The following WDR4 variants were observed in gnomAD, a reference collection of about 807,000 sequenced individuals.
The protein encoded by WDR4 is WDR4 tRNA N7-guanosine methyltransferase non-catalytic subunit, also known as tRNA (guanine-N(7)-)-methyltransferase non-catalytic subunit WDR4.
WDR4 carries 47 observed loss-of-function variants against 48.6 expected under a neutral mutation model. The ratio of observed to expected loss-of-function variants is 0.97; its 90% CI spans 0.77 to 1.23. WDR4 has a LOEUF of 1.23. Among genes scored for constraint, WDR4 ranks in the 50% most tolerant of loss-of-function variants. The pLI is 0.00. For missense variants in WDR4, 606 were observed against 551.6 expected, an observed-to-expected ratio of 1.10 and a Z score of -0.99; for synonymous variants, 268 against 230.0, an observed-to-expected ratio of 1.17 and a Z score of -1.49.
chr21:42,847,990 C>G (rs2057725902), downstream of WDR4, among the ~76,000 whole-genome samples: 1 of 152,244 alleles, frequency 6.6e-6, no homozygotes, highest in Admixed American at 6.5e-5. Context: ...CCCAGCATGG[C>G]CCCTGCCTTC....
chr21:42,849,973 G>T lies in WDR4; in HGVS notation c.*76C>A. Reference sequence around the variant, plus strand: ...GATGTCACCTTTTCCTTCTTGAAGGGACATGCCAGGATGCAGGGGAACAAG... The same window carrying T: ...GATGTCACCTTTTCCTTCTTGAAGGTACATGCCAGGATGCAGGGGAACAAG... On this transcript the variant is annotated 3_prime_UTR_variant, in exon 11 of 11. Transcript: ENST00000398208. 1 of 1,568,538 alleles carries T rather than the reference G, an allele frequency of 6.4e-7. No individual in the cohort carries two copies. The highest frequency in any genetic ancestry group is 1.9e-5 in the Admixed American group (1 of 53,862).
the WDR4 span, among the ~76,000 whole-genome samples, chr21:42,886,047 G>T: frequency 6.7e-6 from 1 of 148,526 alleles, no homozygotes; most frequent in African/African-American, 2.5e-5. Flanking sequence ...ACCTCCACCT[G>T]CTGGGTTCAG....
intron 10 of WDR4, 98 bp downstream of exon 10, chr21:42,852,157 C>T: frequency 1.5e-6 from 2 of 1,295,752 alleles, no homozygotes; most frequent in South Asian, 2.5e-5. Context: ...TTTATCTGCA[C>T]ACCAGGTACC....
chr21:42,855,377 C>G (rs963126878), intron 7 of WDR4, among the ~76,000 whole-genome samples: 1 of 152,222 alleles, frequency 6.6e-6, no homozygotes, highest in Non-Finnish European at 1.5e-5. Context: ...TGGCCCCACC[C>G]CTGCCCCACC....
chr21:42,867,485 A>C (rs1239133120), intron 3 of WDR4, among the ~76,000 whole-genome samples: 1 of 151,750 alleles, frequency 6.6e-6, no homozygotes, highest in Non-Finnish European at 1.5e-5. Flanking sequence ...CAGGCTGCCC[A>C]TCCCTCATCC....
At chr21:42,846,316 G>A (rs557696390), downstream of WDR4, among the ~76,000 whole-genome samples, 1 of 152,364 alleles carries the variant, frequency 6.6e-6, no homozygotes, top group Admixed American at 6.5e-5. Context: ...GCAACAAGGT[G>A]GATGAGCCTC....
intron 2 of WDR4, among the ~76,000 whole-genome samples, chr21:42,874,596 G>A (rs531288122): frequency 7.2e-5 from 11 of 152,074 alleles, no homozygotes; most frequent in East Asian, 5.8e-4. Flanking sequence ...AAGAGAATGC[G>A]CCCCTGAGGG....
At chr21:42,866,417 G>A (rs1182552471) in intron 3 of WDR4, among the ~76,000 whole-genome samples, 1 of 152,222 alleles carries the variant, frequency 6.6e-6, no homozygotes, top group Non-Finnish European at 1.5e-5. Context: ...TCCTGCAGCG[G>A]TGCAGGGCCT....
intron 1 of WDR4, 173 bp downstream of exon 1, chr21:42,879,234 C>T (rs1343271280): frequency 7.5e-7 from 1 of 1,332,002 alleles, no homozygotes; most frequent in Admixed American, 3.4e-5. Context: ...ACCCTCCAGG[C>T]GCAGAGACGC....
At chr21:42,848,196 GGA>G (rs2057727552), downstream of WDR4, among the ~76,000 whole-genome samples, 1 of 152,208 alleles carries the variant, frequency 6.6e-6, no homozygotes, top group Non-Finnish European at 1.5e-5. Flanking sequence ...GTTCCTGTGT[GGA>G]GACTTCATCA....
downstream of WDR4, among the ~76,000 whole-genome samples, chr21:42,845,256 G>A (rs1320379893): frequency 1.3e-5 from 2 of 152,240 alleles, no homozygotes; most frequent in Non-Finnish European, 2.9e-5. Flanking sequence ...AAATCTGGAG[G>A]AAAACCCTAA....
intron 9 of WDR4, 31 bp from the exon 10 acceptor site, chr21:42,852,355 G>T: frequency 6.2e-7 from 1 of 1,611,038 alleles, no homozygotes; most frequent in Non-Finnish European, 8.5e-7. Flanking sequence ...ATCTTCATCA[G>T]AAAGAGGCAG....
At chr21:42,849,007 C>T (rs113934340), downstream of WDR4, among the ~76,000 whole-genome samples, 5,631 of 132,348 alleles carry the variant, frequency 0.043, 225 homozygotes, top group Non-Finnish European at 0.068. Context: ...TCACACACAG[C>T]GCACGATCAC....
At chr21:42,888,330 C>T in the WDR4 span, among the ~76,000 whole-genome samples, 98 of 152,172 alleles carry the variant, frequency 6.4e-4, 1 homozygote, top group African/African-American at 2.1e-3. Flanking sequence ...AGGCCAAGGC[C>T]GGTGTACTAC....
chr21:42,847,550 T>C (rs2145980526), downstream of WDR4, among the ~76,000 whole-genome samples: 1 of 152,298 alleles, frequency 6.6e-6, no homozygotes, highest in South Asian at 2.1e-4. Flanking sequence ...CCCGCGGTCC[T>C]GGTGGAGAGA....
At chr21:42,848,117 TTTTGATACACAA>T (rs2145981268), downstream of WDR4, among the ~76,000 whole-genome samples, 1 of 152,322 alleles carries the variant, frequency 6.6e-6, no homozygotes, top group South Asian at 2.1e-4. Flanking sequence ...GCATTCCAGC[TTTTGATACACAA>T]AAGGATTCTG....
At chr21:42,850,933 G>A (rs933065949) in intron 10 of WDR4, among the ~76,000 whole-genome samples, 2 of 152,158 alleles carry the variant, frequency 1.3e-5, no homozygotes, top group Non-Finnish European at 2.9e-5. Flanking sequence ...GGTAACCCGC[G>A]CACCAGCGAC....
At chr21:42,869,708 T>C (rs1348707717) in intron 3 of WDR4, among the ~76,000 whole-genome samples, 1 of 151,926 alleles carries the variant, frequency 6.6e-6, no homozygotes, top group Non-Finnish European at 1.5e-5. Context: ...TTCTTAAGTA[T>C]ATAAAGAGTT....
Position 42,862,669 on chromosome 21 carries a change from T to C in WDR4, c.454-275A>G, listed in dbSNP as rs1028545006. Among the ~76,000 whole-genome samples the C allele has an allele frequency of 6.6e-6, 1 of 151,986 alleles. No homozygotes were observed. The highest frequency in any genetic ancestry group is 2.1e-4 in the South Asian group (1 of 4,824). ...GGGCAGTGCCACCCCTGCCTGCCTG[T>C]CTCCCGCACCTTGGCAAATCCAGGC... is the stretch of plus-strand genomic sequence containing the variant. On this transcript the variant is annotated intron_variant, in intron 4 of 10. Transcript: ENST00000398208. The surrounding 1 kb of genome is among the most constrained non-coding windows in gnomAD (Gnocchi z 4.3).
Sources: allele counts gnomAD v4.1 joint callset (sites outside exome capture counted in the v4.1 genomes callset), GRCh38; gene constraint gnomAD v4.1.1; non-coding constraint Gnocchi (gnomAD v3.1); transcripts MANE v1.5; gene names NCBI Gene and HGNC (gene_info 2026-07-23, HGNC 2026-07-21).